CA10: variants seen among roughly 807,000 people sequenced by gnomAD.
CA10 encodes the protein carbonic anhydrase 10 (inactive), also known as carbonic anhydrase-related protein 10.
A neutral mutation model predicts 44.2 loss-of-function variants in CA10; 14 were observed. That is an observed-to-expected ratio of 0.32 (90% CI 0.21 to 0.50). The LOEUF (loss-of-function observed/expected upper bound fraction) is 0.50. Ranked by LOEUF, CA10 falls within the 20% of genes least tolerant of loss-of-function variation. CA10 has a pLI of 0.99. For missense variants in CA10, 350 were observed against 409.7 expected (o/e 0.85, Z 1.26); for synonymous variants, 159 against 141.6 (o/e 1.12, Z -0.87).
chr17:51,876,664 G>T (rs1012420552), intron 3 of CA10, among the ~76,000 whole-genome samples: 2 of 151,558 alleles, frequency 1.3e-5, no homozygotes, highest in African/African-American at 4.8e-5. Context: ...ATTACCAAAT[G>T]TTGGGGGGCA....
intron 4 of CA10, among the ~76,000 whole-genome samples, chr17:51,676,090 G>A (rs1463603569): frequency 6.6e-6 from 1 of 152,214 alleles, no homozygotes; most frequent in Non-Finnish European, 1.5e-5. Flanking sequence ...CTGTGAACAT[G>A]TGTGTACAAG....
intron 1 of CA10, among the ~76,000 whole-genome samples, chr17:52,081,419 G>T (rs1308855602): frequency 6.6e-6 from 1 of 152,206 alleles, no homozygotes; most frequent in Admixed American, 6.5e-5. Flanking sequence ...GGCTAAAAAT[G>T]AGGCCGGACA....
At chr17:52,072,541 T>TC (rs1381714995) in intron 1 of CA10, 148 bp from the exon 2 acceptor site, 1 of 540,636 alleles carries the variant, frequency 1.8e-6, no homozygotes, top group African/African-American at 1.9e-5. Flanking sequence ...TCCCTTCCCT[T>TC]TTTTTTTTCA....
intron 3 of CA10, among the ~76,000 whole-genome samples, chr17:51,782,370 A>G (rs1328339778): frequency 6.6e-6 from 1 of 152,234 alleles, no homozygotes; most frequent in East Asian, 1.9e-4. Context: ...CACAGATGAC[A>G]AACCAGCTCA....
At chr17:51,984,384 T>C (rs1035478349) in intron 2 of CA10, among the ~76,000 whole-genome samples, 3 of 151,844 alleles carry the variant, frequency 2.0e-5, no homozygotes, top group Admixed American at 6.6e-5. Context: ...TTCATAGCCC[T>C]AAATGCCTAC....
In CA10 at chr17:51,871,394, A is replaced by ATTTT. The variant is rs11438821; in HGVS notation, c.279+59592_279+59595dup. ...TTACAGGTGCCCACCACCAGGCCTA[A>ATTTT]TTTTTTTTTTTTTTTTTTTTTTTTT... On this transcript the variant is annotated intron_variant, in intron 3 of 8. Transcript: ENST00000451037. Among the ~76,000 whole-genome samples, 140 of 81,198 alleles carry ATTTT rather than the reference A, an allele frequency of 1.7e-3. 2 individuals carry two copies. Among genetic ancestry groups the ATTTT allele is most frequent in the African/African-American group, 4.0e-3 (79 of 19,940 alleles). The allele number at this position is 81,198 out of a possible 152,430, so 53.3% of individuals were successfully genotyped here.
intron 7 of CA10, among the ~76,000 whole-genome samples, chr17:51,635,579 A>C (rs531078266): frequency 1.3e-5 from 2 of 152,200 alleles, no homozygotes; most frequent in African/African-American, 4.8e-5. Context: ...AAAGCACGTC[A>C]AAGATTGTCA....
chr17:51,641,134 TCTCTCTCTCTCTCTCAG>T (rs917123417), intron 6 of CA10, among the ~76,000 whole-genome samples: 2 of 76,162 alleles, frequency 2.6e-5, no homozygotes, highest in African/African-American at 7.9e-5. Context: ...CCCCTCTTTC[TCTCTCTCTCTCTCTCAG>T]CTCTCTCTCT....
chr17:51,775,464 G>A (rs1905784661), intron 3 of CA10, among the ~76,000 whole-genome samples: 3 of 152,144 alleles, frequency 2.0e-5, no homozygotes, highest in African/African-American at 7.2e-5. Flanking sequence ...CAAGGGGGGT[G>A]GGTAGGGAAT....
upstream of CA10, among the ~76,000 whole-genome samples, chr17:52,158,879 C>G (rs371481058): frequency 1.7e-3 from 259 of 152,252 alleles, no homozygotes; most frequent in African/African-American, 5.6e-3. Flanking sequence ...AGCCCGGCAC[C>G]CGGGGGCGGA....
At position 51,806,656 on chromosome 17, in the gene CA10, A is replaced by G. The variant is rs1490140139; in HGVS notation, c.280-58838T>C. Among the ~76,000 whole-genome samples the G allele has an allele frequency of 3.3e-5, 5 of 152,260 alleles. No individual in the cohort carries two copies. The East Asian group carries it at 9.6e-4, about 29-fold the overall frequency. ...TGAATGATGCATCTCTTCAAGGATC[A>G]AGACCATGCTTTATGTTTTGAATCC... is the stretch of plus-strand genomic sequence containing the variant. On this transcript the variant is annotated intron_variant, in intron 3 of 8. Coordinates refer to ENST00000451037, the MANE Select transcript of CA10 (RefSeq NM_020178.5).
At chr17:51,635,519 A>C (rs1354764171) in intron 7 of CA10, among the ~76,000 whole-genome samples, 1 of 151,768 alleles carries the variant, frequency 6.6e-6, no homozygotes, top group Admixed American at 6.6e-5. Flanking sequence ...ATCTCAAAAA[A>C]GAAAAAAAAA....
chr17:51,825,305 C>CTT (rs139416478), intron 3 of CA10, among the ~76,000 whole-genome samples: 20 of 147,072 alleles, frequency 1.4e-4, no homozygotes, highest in African/African-American at 4.8e-4. Flanking sequence ...TTTTTTCCTT[C>CTT]TTTTTTTTTT....
chr17:51,824,648 C>T (rs565070132), intron 3 of CA10, among the ~76,000 whole-genome samples: 47 of 152,274 alleles, frequency 3.1e-4, no homozygotes, highest in African/African-American at 1.0e-3. Context: ...TTGTTTAAAA[C>T]GATAACACCC....
At chr17:51,747,164 G>A (rs1284800450) in intron 4 of CA10, among the ~76,000 whole-genome samples, 1 of 152,184 alleles carries the variant, frequency 6.6e-6, no homozygotes, top group Admixed American at 6.5e-5. Context: ...AGAAACTCAG[G>A]AAAACTATTG....
chr17:51,784,081 C>T (rs1906165013), intron 3 of CA10, among the ~76,000 whole-genome samples: 1 of 152,126 alleles, frequency 6.6e-6, no homozygotes. Context: ...CCTTCTCTAC[C>T]TCTCCTTGTC....
intron 4 of CA10, among the ~76,000 whole-genome samples, chr17:51,704,572 A>C (rs1220284841): frequency 6.6e-6 from 1 of 152,214 alleles, no homozygotes; most frequent in Non-Finnish European, 1.5e-5. Flanking sequence ...TCATCATGTG[A>C]GTGCAGACAG....
chr17:52,147,026 T>C (rs1218923384), intron 1 of CA10, among the ~76,000 whole-genome samples: 1 of 152,236 alleles, frequency 6.6e-6, no homozygotes, highest in East Asian at 1.9e-4. Flanking sequence ...CATTGTGTTA[T>C]GTCACTGAGA....
At chr17:51,787,562 C>T (rs1286493249) in intron 3 of CA10, among the ~76,000 whole-genome samples, 1 of 151,978 alleles carries the variant, frequency 6.6e-6, no homozygotes, top group Non-Finnish European at 1.5e-5. Flanking sequence ...ACAATCTCAG[C>T]TCACTGCAAC....
Sources: gnomAD v4.1 joint callset for allele counts (sites outside exome capture counted in the v4.1 genomes callset) on GRCh38, gnomAD v4.1.1 for gene constraint, MANE v1.5 for transcripts, NCBI Gene and HGNC (gene_info 2026-07-23, HGNC 2026-07-21) for gene names.